The following ARHGEF10L variants were observed in gnomAD, a reference collection of about 807,000 sequenced individuals.
The protein encoded by ARHGEF10L is rho guanine nucleotide exchange factor 10-like protein.
A neutral mutation model predicts 141.2 loss-of-function variants in ARHGEF10L; 69 were observed. That is an observed-to-expected ratio of 0.49 (90% CI 0.40 to 0.60). The LOEUF is 0.60. Among genes scored for constraint, ARHGEF10L ranks in the 20% least tolerant of loss-of-function variants. The pLI, the probability that ARHGEF10L is intolerant of heterozygous loss-of-function variation, is 0.00. For missense variants in ARHGEF10L, 1,482 were observed against 1,734.3 expected, an observed-to-expected ratio of 0.85 and a Z score of 2.58; for synonymous variants, 711 against 718.5, an observed-to-expected ratio of 0.99 and a Z score of 0.17.
chr1:17,587,615 C>G lies in ARHGEF10L; in HGVS notation c.193C>G (p.Leu65Val), dbSNP rs146707371. 1.1e-4 allele frequency: 172 copies of G among 1,613,700 alleles called. No individual in the cohort carries two copies. Among genetic ancestry groups the G allele is most frequent in the Non-Finnish European group, 1.4e-4 (165 of 1,179,900 alleles). The change falls in exon 3 of 29, where the codon CTG (leucine) becomes GTG (valine). Residue 65 changes from leucine (L) to valine (V), a missense_variant. By Grantham distance (32) the Leu-to-Val change is conservative. Around this residue, in one of 3 missense-constraint regions of ARHGEF10L, gnomAD observed 232 missense variants for 225.9 expected, o/e 1.03. Transcript: ENST00000361221. The part of the protein sequence containing the change: ...LAPERDTDPP[L>V]IHLDSIPVTD... ...TCCTGAGAGGGACACAGACCCCCCA[C>G]TGATCCACTTGGACTCCATCCCTGT...
chr1:17,675,315 C>T (rs986526312), intron 26 of ARHGEF10L, among the ~76,000 whole-genome samples: 1 of 152,236 alleles, frequency 6.6e-6, no homozygotes, highest in Non-Finnish European at 1.5e-5. Context: ...GTGGCCTCCC[C>T]ACCTCCCCGC....
chr1:17,616,359 T>C (rs960664460), intron 9 of ARHGEF10L, among the ~76,000 whole-genome samples, 157 bp downstream of exon 9: 8 of 152,152 alleles, frequency 5.3e-5, no homozygotes, highest in African/African-American at 1.9e-4. Flanking sequence ...GTCCCAAATA[T>C]CCTGGTAGGT....
At chr1:17,598,184 C>A (rs2080300335) in intron 4 of ARHGEF10L, among the ~76,000 whole-genome samples, 1 of 151,962 alleles carries the variant, frequency 6.6e-6, no homozygotes. Context: ...TCACTGCAAC[C>A]TCCGCTTCCC....
rs2060111704 is a variant in ARHGEF10L, at chr1:17,621,587, A to G, written c.943-277A>G. Reference sequence around the variant, plus strand: ...TGGAGGTGGTCACCCGCCACCATGGAGGAGCGTGGTGATTACCCCATCCCC... The same window carrying G: ...TGGAGGTGGTCACCCGCCACCATGGGGGAGCGTGGTGATTACCCCATCCCC... On this transcript the variant is annotated intron_variant, in intron 10 of 28. Transcript: ENST00000361221. The surrounding 1 kb of genome is among the most constrained non-coding windows in gnomAD (Gnocchi z 4.1). Among the ~76,000 whole-genome samples, 1 of 152,190 alleles carries G rather than the reference A, an allele frequency of 6.6e-6. No individual in the cohort carries two copies. The highest frequency in any genetic ancestry group is 2.4e-5 in the African/African-American group (1 of 41,440).
chr1:17,691,201 A>C (rs1278042866), intron 27 of ARHGEF10L: 1 of 445,044 alleles, frequency 2.2e-6, no homozygotes, highest in East Asian at 7.0e-5. Context: ...GGGTGAGTTG[A>C]ACACTGCCGC....
intron 25 of ARHGEF10L, among the ~76,000 whole-genome samples, chr1:17,658,099 G>A (rs922507897): frequency 1.3e-5 from 2 of 152,264 alleles, no homozygotes; most frequent in African/African-American, 4.8e-5. Context: ...GCCTGTGGCA[G>A]CAGAACTCCA....
Position 17,625,830 on chromosome 1 carries a change from G to T in ARHGEF10L, c.1318-126G>T. ...GGACCTCTCTCAGCTCTTCTTGCAA[G>T]CCCAGGGATAGGCAGGGTCTTAGGG... On this transcript the variant is annotated intron_variant, in intron 13 of 28. Transcript: ENST00000361221. This position sits in a 1 kb window ranked among gnomAD's most constrained non-coding sequence, Gnocchi z 4.5. 1.3e-6 allele frequency: 1 copy of T among 776,758 alleles called. No individual in the cohort carries two copies. Among genetic ancestry groups the T allele is most frequent in the Non-Finnish European group, 2.1e-6 (1 of 471,930 alleles). The allele number at this position is 776,758 out of a possible 1,614,324, so 48.1% of individuals were successfully genotyped here.
intron 27 of ARHGEF10L, among the ~76,000 whole-genome samples, chr1:17,692,916 C>T (rs2065212004): frequency 6.6e-6 from 1 of 152,154 alleles, no homozygotes; most frequent in Admixed American, 6.5e-5. Context: ...GTCTCCTGGG[C>T]CTTGGCTCAG....
At chr1:17,515,296 T>C in the ARHGEF10L span, among the ~76,000 whole-genome samples, 1 of 151,032 alleles carries the variant, frequency 6.6e-6, no homozygotes, top group African/African-American at 2.4e-5. Flanking sequence ...TCTCTCTTTT[T>C]TTTTTTTTTT....
intron 1 of ARHGEF10L, among the ~76,000 whole-genome samples, chr1:17,580,172 C>T (rs1018640624): frequency 6.6e-6 from 1 of 152,200 alleles, no homozygotes; most frequent in South Asian, 2.1e-4. Context: ...GTATCCAGCC[C>T]CATTTGTGAC....
chr1:17,575,102 C>T (rs1002645317), intron 1 of ARHGEF10L, among the ~76,000 whole-genome samples: 8 of 152,086 alleles, frequency 5.3e-5, no homozygotes, highest in African/African-American at 1.9e-4. Context: ...TAGTGTGTAC[C>T]CCGGGCCAGA....
chr1:17,635,126 T>C, intron 18 of ARHGEF10L, 110 bp downstream of exon 18: 1 of 1,339,254 alleles, frequency 7.5e-7, no homozygotes, highest in Non-Finnish European at 1.0e-6. Flanking sequence ...CTACATAGGC[T>C]GATGGGTGGC....
chr1:17,561,491 C>A (rs965397365), intron 1 of ARHGEF10L, among the ~76,000 whole-genome samples: 1 of 152,220 alleles, frequency 6.6e-6, no homozygotes, highest in African/African-American at 2.4e-5. Flanking sequence ...GTTCTGAGTG[C>A]CTTCCTCTCC....
At chr1:17,514,307 T>C in the ARHGEF10L span, among the ~76,000 whole-genome samples, 1 of 151,924 alleles carries the variant, frequency 6.6e-6, no homozygotes, top group South Asian at 2.1e-4. Flanking sequence ...AGCTAATTTT[T>C]GTATTTTTAG....
Position 17,697,095 on chromosome 1 carries a change from C to T in ARHGEF10L, c.3555C>T (p.Gly1185=). The T allele has an allele frequency of 6.2e-7, 1 of 1,608,300 alleles. No individual in the cohort carries two copies. Among genetic ancestry groups the T allele is most frequent in the East Asian group, 2.2e-5 (1 of 44,710 alleles). Residue 1185 remains glycine, a synonymous_variant, in exon 29 of 29, where the codon GGC becomes GGT. Transcript: ENST00000361221. The surrounding 1 kb of genome is among the most constrained non-coding windows in gnomAD (Gnocchi z 4.8). ...YRLRSTAHLP[G]PLLSMREPAP... is the part of the protein sequence containing the mutation. ...TGCGCTCCACCGCACACCTCCCGGG[C>T]CCGCTGCTCTCCATGCGGGAGCCGG...
rs748176605 is a variant in ARHGEF10L, at chr1:17,587,475, C to G, written c.53C>G (p.Pro18Arg). 1.1e-5 allele frequency: 18 copies of G among 1,613,150 alleles called. No homozygotes were observed. In the Admixed American group the frequency reaches 1.8e-4, roughly 16 times the overall value. The change falls in exon 3 of 29, where the codon CCA (proline) becomes CGA (arginine). Residue 18 changes from proline (P) to arginine (R), a missense_variant. By Grantham distance (103) the Pro-to-Arg change is moderately radical (BLOSUM62 -2). Coordinates refer to ENST00000361221, the MANE Select transcript of ARHGEF10L (RefSeq NM_018125.4). ...TCTCTTCCAGGAGATCAGCTGGTTC[C>G]AGGAGTCCCAGGCCCCTCCTCTGAG... ...PQPAIGDQLV[P>R]GVPGPSSEAE...
intron 6 of ARHGEF10L, among the ~76,000 whole-genome samples, chr1:17,605,763 A>G (rs932964891): frequency 1.3e-5 from 2 of 152,178 alleles, no homozygotes; most frequent in African/African-American, 4.8e-5. Flanking sequence ...GACCTGCCAC[A>G]TGCTGCCAGG....
chr1:17,562,804 C>T (rs555452993), intron 1 of ARHGEF10L, among the ~76,000 whole-genome samples: 4 of 152,344 alleles, frequency 2.6e-5, no homozygotes, highest in Admixed American at 2.6e-4. Context: ...GGGCAGTCCA[C>T]TCCTGGCCCA....
the ARHGEF10L span, among the ~76,000 whole-genome samples, chr1:17,514,292 C>T: frequency 2.2e-4 from 33 of 151,792 alleles, no homozygotes; most frequent in Admixed American, 9.9e-4. Context: ...CCTGCCACCA[C>T]GCCCAGCTAA....
Sources: gnomAD v4.1 joint callset for allele counts (sites outside exome capture counted in the v4.1 genomes callset) on GRCh38, gnomAD v4.1.1 for gene constraint, gnomAD v4.1.1 regional missense constraint, Gnocchi (gnomAD v3.1) non-coding constraint, MANE v1.5 for transcripts, NCBI Gene and HGNC (gene_info 2026-07-23, HGNC 2026-07-21) for gene names.